The following MAF variants were observed in gnomAD, a reference collection of about 807,000 sequenced individuals.
MAF encodes MAF bZIP transcription factor.
A neutral mutation model predicts 22.0 loss-of-function variants in MAF; 10 were observed. The ratio of observed to expected loss-of-function variants is 0.45; its 90% CI spans 0.28 to 0.77. The LOEUF (loss-of-function observed/expected upper bound fraction) is 0.77, where lower values mean the gene tolerates loss of function less well. Among genes scored for constraint, MAF ranks in the 30% least tolerant of loss-of-function variants. MAF has a pLI of 0.12. For synonymous variants in MAF, 337 were observed against 255.8 expected (o/e 1.32, Z -3.03); for missense variants, 544 against 548.4 (o/e 0.99, Z 0.08).
At chr16:79,543,848 G>A in the MAF span, among the ~76,000 whole-genome samples, 195 of 152,040 alleles carry the variant, frequency 1.3e-3, 1 homozygote, top group African/African-American at 4.2e-3. Context: ...CACCGCGCCC[G>A]GCTAATTTTT....
the MAF span, among the ~76,000 whole-genome samples, chr16:79,255,450 T>C: frequency 1.3e-5 from 2 of 152,230 alleles, no homozygotes; most frequent in African/African-American, 4.8e-5. Flanking sequence ...TCAGAATGAA[T>C]AAAAACTGGA....
the MAF span, among the ~76,000 whole-genome samples, chr16:79,257,851 G>A: frequency 6.6e-6 from 1 of 152,118 alleles, no homozygotes. Context: ...TTATACTATT[G>A]ATGCTATTTT....
At chr16:79,581,096 C>G (rs1308843966), downstream of MAF, among the ~76,000 whole-genome samples, 1 of 152,118 alleles carries the variant, frequency 6.6e-6, no homozygotes, top group Non-Finnish European at 1.5e-5. Context: ...TTGATTTCAA[C>G]ACTATTAAAT....
chr16:79,373,340 A>G, the MAF span, among the ~76,000 whole-genome samples: 2 of 109,466 alleles, frequency 1.8e-5, no homozygotes, highest in Admixed American at 1.2e-4. Flanking sequence ...ATCAGTTACT[A>G]TGGGAGTGGG....
the MAF span, chr16:79,212,437 TTTAGAGA>T: frequency 9.0e-5 from 26 of 290,322 alleles, no homozygotes; most frequent in Non-Finnish European, 3.9e-5. Context: ...CAAAAAATTC[TTTAGAGA>T]TTATAACAAA....
the MAF span, among the ~76,000 whole-genome samples, chr16:79,207,797 T>C: frequency 2.0e-5 from 3 of 152,028 alleles, no homozygotes; most frequent in African/African-American, 7.2e-5. Context: ...GCTTTTTTTT[T>C]CTTTACCATA....
At chr16:79,505,829 G>C in the MAF span, 4 of 152,286 alleles carry the variant, frequency 2.6e-5, no homozygotes, top group Non-Finnish European at 5.9e-5. Flanking sequence ...GCACTCATGA[G>C]AAAAGAAGCA....
chr16:79,279,842 G>A, the MAF span, among the ~76,000 whole-genome samples: 1 of 151,990 alleles, frequency 6.6e-6, no homozygotes, highest in South Asian at 2.1e-4. Flanking sequence ...CAGAGCTTTG[G>A]CAGAGCACTA....
At chr16:79,384,637 G>A in the MAF span, among the ~76,000 whole-genome samples, 13 of 150,372 alleles carry the variant, frequency 8.6e-5, no homozygotes, top group Middle Eastern at 0.014. Flanking sequence ...GGCGCCTGTA[G>A]TCCCAGCTAC....
At chr16:79,551,621 G>C in the MAF span, among the ~76,000 whole-genome samples, 1 of 152,056 alleles carries the variant, frequency 6.6e-6, no homozygotes, top group African/African-American at 2.4e-5. Flanking sequence ...GGACCACTTG[G>C]GTCAAATCCC....
At chr16:79,598,589 T>G (rs1913731080) in intron 1 of MAF, 196 bp downstream of exon 1, 13 of 1,433,680 alleles carry the variant, frequency 9.1e-6, no homozygotes, top group Non-Finnish European at 1.2e-5. Flanking sequence ...GGGGTGTGTG[T>G]GTGTGTGTGT....
At chr16:79,274,291 A>T in the MAF span, among the ~76,000 whole-genome samples, 1 of 151,868 alleles carries the variant, frequency 6.6e-6, no homozygotes, top group African/African-American at 2.4e-5. Flanking sequence ...AAGAACAAAC[A>T]ATAAAGCTGT....
At chr16:79,492,855 T>G in the MAF span, among the ~76,000 whole-genome samples, 2 of 152,234 alleles carry the variant, frequency 1.3e-5, no homozygotes. Flanking sequence ...AAGAGAGATA[T>G]GAGATCATAC....
chr16:79,350,841 G>A, the MAF span, among the ~76,000 whole-genome samples: 2 of 151,534 alleles, frequency 1.3e-5, no homozygotes, highest in African/African-American at 4.9e-5. Context: ...GTGTGGTACA[G>A]CAGGTGGCCT....
chr16:79,512,316 G>A, the MAF span, among the ~76,000 whole-genome samples: 3 of 152,160 alleles, frequency 2.0e-5, no homozygotes, highest in African/African-American at 7.2e-5. Flanking sequence ...CCAGTATCCA[G>A]ACCATTTTCA....
chr16:79,250,855 G>C, the MAF span, among the ~76,000 whole-genome samples: 1 of 152,208 alleles, frequency 6.6e-6, no homozygotes, highest in Non-Finnish European at 1.5e-5. Context: ...CCAAGGGGAT[G>C]TCCCAGAACT....
chr16:79,503,611 C>T, the MAF span, among the ~76,000 whole-genome samples: 9 of 152,168 alleles, frequency 5.9e-5, no homozygotes, highest in Admixed American at 5.2e-4. Flanking sequence ...CTCTACTCTC[C>T]AGAGTGTGAA....
At chr16:79,485,932 G>C in the MAF span, among the ~76,000 whole-genome samples, 17,519 of 152,224 alleles carry the variant, frequency 0.12, 1,161 homozygotes, top group South Asian at 0.2. Context: ...TAATGGGATA[G>C]ATTTTTAACT....
chr16:79,595,875 G>A lies in MAF; in HGVS notation c.1119-1322C>T, dbSNP rs548509822. On this transcript the variant is annotated intron_variant, in intron 1 of 1. Transcript: ENST00000326043. ...ATGTACTTGGAAATATGGAAGTAAG[G>A]AGTGGATTTTCTTTTTCCTATTTAA... The A allele has an allele frequency of 4.8e-5, 51 of 1,058,868 alleles. 1 individual carries two copies. In the Admixed American group the frequency reaches 2.0e-3, roughly 43 times the overall value. 65.6% of individuals were successfully genotyped at this position (1,058,868 alleles called of 1,614,324 possible).
Sources: allele counts gnomAD v4.1 joint callset (sites outside exome capture counted in the v4.1 genomes callset), GRCh38; gene constraint gnomAD v4.1.1; transcripts MANE v1.5; gene names NCBI Gene and HGNC (gene_info 2026-07-23, HGNC 2026-07-21).